The following SHANK2 variants were observed in gnomAD, a reference collection of about 807,000 sequenced individuals.
SHANK2 encodes the protein SH3 and multiple ankyrin repeat domains protein 2.
In SHANK2, 43 loss-of-function variants were observed where a neutral mutation model predicts 133.7. The observed-to-expected ratio is 0.32, with a 90% CI of 0.25 to 0.41. The LOEUF (loss-of-function observed/expected upper bound fraction) is 0.41. Ranked by LOEUF, SHANK2 falls within the 10% of genes least tolerant of loss-of-function variation. The pLI, the probability that SHANK2 is intolerant of heterozygous loss-of-function variation, is 1.00. For missense variants in SHANK2, 1,994 were observed against 2,235.8 expected, an observed-to-expected ratio of 0.89 and a Z score of 2.18; for synonymous variants, 1,017 against 952.8, an observed-to-expected ratio of 1.07 and a Z score of -1.24.
chr11:70,740,860 G>C (rs537082227), intron 14 of SHANK2, among the ~76,000 whole-genome samples: 1 of 152,250 alleles, frequency 6.6e-6, no homozygotes, highest in African/African-American at 2.4e-5. Context: ...GATGGGAAAG[G>C]GCAGAATCCC....
At chr11:70,590,488 G>A (rs781956929) in intron 17 of SHANK2, among the ~76,000 whole-genome samples, 1 of 152,220 alleles carries the variant, frequency 6.6e-6, no homozygotes, top group Non-Finnish European at 1.5e-5. Flanking sequence ...GAAAGGAAAA[G>A]TCAATTGATG....
At position 71,190,507 on chromosome 11, in the gene SHANK2, A is replaced by C. The variant is rs1259510640; in HGVS notation, c.-13+34190T>G. ...CCACTTCTCAGAAGAAGTGTGGCTCACCATTGTCTGGAAAATGAGGCCTTG... is the reference window on the plus strand; with the variant it reads ...CCACTTCTCAGAAGAAGTGTGGCTCCCCATTGTCTGGAAAATGAGGCCTTG... On this transcript the variant is annotated intron_variant, in intron 2 of 25. Transcript: ENST00000601538. 3.3e-5 allele frequency among the ~76,000 whole-genome samples: 5 copies of C among 152,206 alleles called. No individual in the cohort carries two copies. The East Asian group carries it at 9.7e-4, about 29-fold the overall frequency.
chr11:70,685,889 ACTT>A (rs1174706131), intron 15 of SHANK2, among the ~76,000 whole-genome samples: 1 of 152,038 alleles, frequency 6.6e-6, no homozygotes, highest in African/African-American at 2.4e-5. Context: ...ACACTGCCCA[ACTT>A]TGGTCCCCAC....
At position 70,682,169 on chromosome 11, in the gene SHANK2, A is replaced by G. The variant is rs956637322; in HGVS notation, c.1853+16519T>C. ...CTCAAGAGCACCACAAGGCCGGGCCAGGGCTGCTGCTGCTACTGCCACTGT... is the reference window on the plus strand; with the variant it reads ...CTCAAGAGCACCACAAGGCCGGGCCGGGGCTGCTGCTGCTACTGCCACTGT... On this transcript the variant is annotated intron_variant, in intron 15 of 25. Transcript: ENST00000601538. 3.3e-5 allele frequency among the ~76,000 whole-genome samples: 5 copies of G among 152,290 alleles called. No homozygotes were observed. In the East Asian group the frequency reaches 7.7e-4, roughly 24 times the overall value.
intron 11 of SHANK2, among the ~76,000 whole-genome samples, chr11:70,859,988 G>A (rs1949232692): frequency 2.0e-5 from 3 of 152,248 alleles, no homozygotes; most frequent in South Asian, 2.1e-4. Flanking sequence ...ACCCCACAGC[G>A]CCCAGGCTTG....
chr11:70,768,340 C>T (rs1555041874), intron 14 of SHANK2, among the ~76,000 whole-genome samples: 1 of 152,236 alleles, frequency 6.6e-6, no homozygotes, highest in African/African-American at 2.4e-5. Context: ...TCCCCAGCAT[C>T]ACCTGAGAGA....
chr11:70,633,080 T>C (rs781926330), intron 17 of SHANK2, among the ~76,000 whole-genome samples: 22 of 152,064 alleles, frequency 1.4e-4, no homozygotes, highest in Non-Finnish European at 2.9e-4. Context: ...CTGGGCACCA[T>C]GCAGAATAGT....
At chr11:70,820,913 C>A (rs576534846) in intron 11 of SHANK2, among the ~76,000 whole-genome samples, 2 of 152,146 alleles carry the variant, frequency 1.3e-5, no homozygotes, top group Admixed American at 1.3e-4. Context: ...CTCCACGGCA[C>A]GGAGCTCAAG....
Position 70,473,588 on chromosome 11 carries a change from C to A in SHANK2, c.4980-149G>T. ...CACTGGCAGTGAACGAATGATTTGC[C>A]ATGCCAGGGTGGGGGAGGGGGAGAA... On this transcript the variant is annotated intron_variant, in intron 25 of 25. Transcript: ENST00000601538. The surrounding 1 kb of genome is among the most constrained non-coding windows in gnomAD (Gnocchi z 5.9). The A allele has an allele frequency of 5.1e-6, 4 of 777,040 alleles. No individual in the cohort carries two copies. Among genetic ancestry groups the A allele is most frequent in the South Asian group, 2.9e-5 (2 of 68,086 alleles). The allele number at this position is 777,040 out of a possible 1,614,324, so 48.1% of individuals were successfully genotyped here. A position where few individuals can be genotyped will look rare whatever the true frequency, so the allele number is the denominator to read the frequency against.
chr11:70,767,347 G>A (rs1947143617), intron 14 of SHANK2, among the ~76,000 whole-genome samples: 1 of 152,136 alleles, frequency 6.6e-6, no homozygotes, highest in African/African-American at 2.4e-5. Context: ...CCATTCCCAG[G>A]TAGGCACACC....
intron 17 of SHANK2, among the ~76,000 whole-genome samples, chr11:70,531,687 G>A (rs1264081574): frequency 4.6e-5 from 7 of 152,192 alleles, no homozygotes; most frequent in African/African-American, 1.2e-4. Context: ...GCAGCACCTC[G>A]GGGCTGGCAT....
chr11:71,075,174 G>A lies in SHANK2; in HGVS notation c.1014C>T (p.Cys338=), dbSNP rs1331669381. ...NASGNTALHI[C]ALYNQDSCAR... ...CAGCACTCACCTGGTTGTAGAGGGC[G>A]CAGATGTGCAAGGCCGTGTTCCCCG... The change falls in exon 9 of 26, where the codon TGC becomes TGT. Residue 338 remains cysteine (C), a synonymous_variant. Transcript: ENST00000601538. 1.7e-5 allele frequency: 4 copies of A among 230,316 alleles called. No individual in the cohort carries two copies. The highest frequency in any genetic ancestry group is 2.7e-5 in the Non-Finnish European group (3 of 110,790). The allele number at this position is 230,316 out of a possible 1,614,324, so 14.3% of individuals were successfully genotyped here. A position where few individuals can be genotyped will look rare whatever the true frequency, so the allele number is the denominator to read the frequency against.
chr11:70,557,538 G>C (rs1325883055), intron 17 of SHANK2, among the ~76,000 whole-genome samples: 2 of 152,158 alleles, frequency 1.3e-5, no homozygotes, highest in Non-Finnish European at 2.9e-5. Flanking sequence ...GCTCATTCCA[G>C]AGCTTGATGT....
At chr11:70,671,360 A>G (rs514519) in intron 15 of SHANK2, among the ~76,000 whole-genome samples, 91,634 of 151,890 alleles carry the variant, frequency 0.6, 27,985 homozygotes, top group Non-Finnish European at 0.64. Context: ...AACCAGCGCC[A>G]CGCCCCTGGC....
chr11:70,879,632 T>A (rs1182868556), intron 11 of SHANK2, among the ~76,000 whole-genome samples: 7 of 152,232 alleles, frequency 4.6e-5, no homozygotes, highest in Admixed American at 3.9e-4. Flanking sequence ...AAAATTAAGA[T>A]CTCTGTGACT....
intron 2 of SHANK2, among the ~76,000 whole-genome samples, chr11:71,212,951 C>A (rs1162569873): frequency 1.3e-5 from 2 of 150,344 alleles, no homozygotes; most frequent in African/African-American, 4.9e-5. Context: ...GAGCAGGGAC[C>A]CCAGGCGGAG....
At chr11:70,874,077 C>T (rs1031709630) in intron 11 of SHANK2, among the ~76,000 whole-genome samples, 3 of 152,274 alleles carry the variant, frequency 2.0e-5, no homozygotes, top group Admixed American at 6.5e-5. Context: ...TAGATCCATC[C>T]ATTCATCCAT....
intron 14 of SHANK2, among the ~76,000 whole-genome samples, chr11:70,744,291 G>C (rs1946593576): frequency 6.6e-6 from 1 of 152,226 alleles, no homozygotes; most frequent in Non-Finnish European, 1.5e-5. Flanking sequence ...CAGATCCCAG[G>C]GAGGTCTTTC....
At chr11:70,515,637 G>A (rs1305826030) in intron 17 of SHANK2, among the ~76,000 whole-genome samples, 103 of 79,936 alleles carry the variant, frequency 1.3e-3, no homozygotes, top group African/African-American at 2.0e-3. Context: ...CTCGTTCCTT[G>A]AAAAAAAAAA....
Sources: gnomAD v4.1 joint callset for allele counts (sites outside exome capture counted in the v4.1 genomes callset) on GRCh38, gnomAD v4.1.1 for gene constraint, Gnocchi (gnomAD v3.1) non-coding constraint, MANE v1.5 for transcripts, NCBI Gene and HGNC (gene_info 2026-07-23, HGNC 2026-07-21) for gene names.